MROH2B: variants seen among roughly 807,000 people sequenced by gnomAD.
The protein encoded by MROH2B is maestro heat like repeat family member 2B.
In MROH2B, 177 loss-of-function variants were observed where a neutral mutation model predicts 208.6. The ratio of observed to expected loss-of-function variants is 0.85; its 90% CI spans 0.75 to 0.96. The LOEUF (loss-of-function observed/expected upper bound fraction) is 0.96. Among genes scored for constraint, MROH2B ranks in the 40% least tolerant of loss-of-function variants. The pLI, the probability that MROH2B is intolerant of heterozygous loss-of-function variation, is 0.00. For synonymous variants in MROH2B, 728 were observed against 659.0 expected, an observed-to-expected ratio of 1.10 and a Z score of -1.60; for missense variants, 2,002 against 1,878.7, an observed-to-expected ratio of 1.07 and a Z score of -1.21.
intron 39 of MROH2B, 25 bp from the exon 40 acceptor site, chr5:40,999,804 A>T: frequency 6.2e-7 from 1 of 1,600,778 alleles, no homozygotes; most frequent in Admixed American, 1.7e-5. Context: ...AATTTCAAAG[A>T]GGGCAACTGG....
At position 41,009,938 on chromosome 5, in the gene MROH2B, G is replaced by C; in HGVS notation, c.3277C>G (p.Pro1093Ala). The C allele has an allele frequency of 1.2e-6, 2 of 1,613,594 alleles. No homozygotes were observed. The highest frequency in any genetic ancestry group is 1.7e-6 in the Non-Finnish European group (2 of 1,179,666). Residue 1093 changes from proline to alanine, a missense_variant, in exon 31 of 42, where the codon CCT becomes GCT. Pro to Ala is a conservative substitution (Grantham distance 27). Coordinates refer to ENST00000399564, the MANE Select transcript of MROH2B (RefSeq NM_173489.5). Reference protein sequence around the residue: ...DTVVVNLLQKPLPFDRDTKTL... With the variant: ...DTVVVNLLQKALPFDRDTKTL... ...AGGATCTACCTGTCAAAAGGCAGAGGCTTCTGTAAAAGGTTGACAACAACT... is the reference window on the plus strand; with the variant it reads ...AGGATCTACCTGTCAAAAGGCAGAGCCTTCTGTAAAAGGTTGACAACAACT...
At chr5:41,005,933 A>T (rs1440628493) in intron 34 of MROH2B, among the ~76,000 whole-genome samples, 1 of 151,282 alleles carries the variant, frequency 6.6e-6, no homozygotes, top group Non-Finnish European at 1.5e-5. Flanking sequence ...CAGGAGGCTG[A>T]GGCAGGAGAA....
intron 21 of MROH2B, among the ~76,000 whole-genome samples, chr5:41,034,434 C>G (rs1742685840): frequency 6.6e-6 from 1 of 152,074 alleles, no homozygotes; most frequent in Admixed American, 6.6e-5. Context: ...TAGGAATACT[C>G]AAAGCACGCA....
intron 24 of MROH2B, among the ~76,000 whole-genome samples, chr5:41,027,543 G>A (rs1446976727): frequency 2.6e-5 from 4 of 152,132 alleles, no homozygotes; most frequent in African/African-American, 9.7e-5. Context: ...GAAACAACAG[G>A]TGCTGGAGAG....
At chr5:41,005,492 G>C in intron 35 of MROH2B, 39 bp downstream of exon 35, 1 of 1,365,760 alleles carries the variant, frequency 7.3e-7, no homozygotes, top group South Asian at 1.2e-5. Context: ...TACCCTATGG[G>C]GACCCAGTGA....
At chr5:41,052,685 A>T in intron 11 of MROH2B, 98 bp from the exon 12 acceptor site, 1 of 1,170,640 alleles carries the variant, frequency 8.5e-7, no homozygotes, top group Middle Eastern at 2.4e-4. Flanking sequence ...ATTAAGTGGG[A>T]ACATTTTTGA....
At chr5:41,048,972 T>A (rs1474580673) in intron 15 of MROH2B, 129 bp downstream of exon 15, 4 of 866,238 alleles carry the variant, frequency 4.6e-6, no homozygotes, top group Non-Finnish European at 7.0e-6. Flanking sequence ...TAGCAGAAAA[T>A]TTATTATGCC....
At position 41,005,217 on chromosome 5, in the gene MROH2B, G is replaced by T. The variant is rs115952292; in HGVS notation, c.3865-297C>A. 1.5e-3 allele frequency: 796 copies of T among 527,890 alleles called. 3 individuals are homozygous for T. Among genetic ancestry groups the T allele is most frequent in the African/African-American group, 0.014 (719 of 53,064 alleles). The allele number at this position is 527,890 out of a possible 1,614,324, so 32.7% of individuals were successfully genotyped here. ...CTGATAGTTTTCCTTCTCTGGATTGGCTGGAATAGTCTTCAGGCCGGAATT... is the reference window on the plus strand; with the variant it reads ...CTGATAGTTTTCCTTCTCTGGATTGTCTGGAATAGTCTTCAGGCCGGAATT... On this transcript the variant is annotated intron_variant, in intron 35 of 41. Coordinates refer to ENST00000399564, the MANE Select transcript of MROH2B (RefSeq NM_173489.5).
intron 24 of MROH2B, among the ~76,000 whole-genome samples, chr5:41,020,510 A>G (rs1420290900): frequency 6.6e-6 from 1 of 152,184 alleles, no homozygotes; most frequent in Admixed American, 6.5e-5. Flanking sequence ...AGTAGGCTGA[A>G]ACTCTGTCAG....
chr5:41,036,124 A>T (rs1251364902), intron 21 of MROH2B, among the ~76,000 whole-genome samples: 1 of 122,652 alleles, frequency 8.2e-6, no homozygotes, highest in African/African-American at 3.1e-5. Context: ...TACATATATT[A>T]TATATACACA....
chr5:41,027,884 T>G (rs1373360261), intron 24 of MROH2B, among the ~76,000 whole-genome samples: 1 of 152,152 alleles, frequency 6.6e-6, no homozygotes, highest in African/African-American at 2.4e-5. Context: ...TCATGTCCTT[T>G]GTAGGGACAT....
chr5:41,012,322 C>T (rs1741797469), intron 30 of MROH2B, among the ~76,000 whole-genome samples: 1 of 152,178 alleles, frequency 6.6e-6, no homozygotes, highest in Admixed American at 6.5e-5. Flanking sequence ...ATCCAAATGG[C>T]CTCGGTTCAG....
Position 41,055,450 on chromosome 5 carries a change from T to C in MROH2B, c.1033+292A>G, listed in dbSNP as rs993965324. On this transcript the variant is annotated intron_variant, in intron 10 of 41. Coordinates refer to ENST00000399564, the MANE Select transcript of MROH2B (RefSeq NM_173489.5). ...ACTCCCTCCCACCCACCCCTTGATA[T>C]TGGACCATTTAATCAACCTACAAGA... Among the ~76,000 whole-genome samples, 20 of 131,292 alleles carry C rather than the reference T, an allele frequency of 1.5e-4. 2 individuals carry two copies. The East Asian group carries it at 3.2e-3, about 21-fold the overall frequency. 86.1% of individuals were successfully genotyped at this position (131,292 alleles called of 152,430 possible). A position where few individuals can be genotyped will look rare whatever the true frequency, so the allele number is the denominator to read the frequency against.
intron 30 of MROH2B, among the ~76,000 whole-genome samples, chr5:41,011,999 CT>C (rs1202440781): frequency 6.6e-6 from 1 of 152,272 alleles, no homozygotes; most frequent in African/African-American, 2.4e-5. Context: ...GTTTGAATAA[CT>C]TGTATTCTAT....
Position 41,012,676 on chromosome 5 carries a change from G to A in MROH2B, c.3042C>T (p.Asp1014=), listed in dbSNP as rs565304743. The change falls in exon 30 of 42, where the codon GAC becomes GAT. Residue 1014 remains aspartate, a synonymous_variant. Coordinates refer to ENST00000399564, the MANE Select transcript of MROH2B (RefSeq NM_173489.5). ...EILMFLEEML[D]GLESLNPTCT... The stretch of plus-strand genomic sequence containing the variant: ...AAGTGGGGTTGAGGCTCTCCAGACC[G>A]TCCAGCATTTCCTCTAGGAACATCA... 5.9e-5 allele frequency: 95 copies of A among 1,613,822 alleles called. No homozygotes were observed. Among genetic ancestry groups the A allele is most frequent in the East Asian group, 1.8e-4 (8 of 44,876 alleles).
At chr5:41,041,851 G>T (rs1252277533) in intron 19 of MROH2B, among the ~76,000 whole-genome samples, 1 of 152,144 alleles carries the variant, frequency 6.6e-6, no homozygotes, top group African/African-American at 2.4e-5. Context: ...CCAAGGTCTG[G>T]TTAGGTAAGA....
intron 28 of MROH2B, among the ~76,000 whole-genome samples, chr5:41,016,615 A>G (rs1221495637): frequency 7.2e-6 from 1 of 138,344 alleles, no homozygotes; most frequent in African/African-American, 2.7e-5. Context: ...AGTAGCTGGG[A>G]TTACAGGCAT....
chr5:40,999,873 C>A, intron 39 of MROH2B, 94 bp from the exon 40 acceptor site: 1 of 1,059,444 alleles, frequency 9.4e-7, no homozygotes, highest in Non-Finnish European at 1.4e-6. Context: ...TTTGTAAAGG[C>A]CAGTGAGCAC....
rs759009092 is a variant in MROH2B, at chr5:41,019,031, C to A, written c.2442-13G>T. 1.9e-6 allele frequency: 3 copies of A among 1,613,596 alleles called. No homozygotes were observed. Among genetic ancestry groups the A allele is most frequent in the Non-Finnish European group, 1.7e-6 (2 of 1,179,782 alleles). ...AGGTTTCAGTTTACTGAAATGAGAACCAGGTGGAGGAATGGATATTACAGT... is the reference window on the plus strand; with the variant it reads ...AGGTTTCAGTTTACTGAAATGAGAAACAGGTGGAGGAATGGATATTACAGT... On this transcript the variant is annotated splice_polypyrimidine_tract_variant and intron_variant, in intron 24 of 41. Coordinates refer to ENST00000399564, the MANE Select transcript of MROH2B (RefSeq NM_173489.5).
Sources: allele counts gnomAD v4.1 joint callset (sites outside exome capture counted in the v4.1 genomes callset), GRCh38; gene constraint gnomAD v4.1.1; transcripts MANE v1.5; gene names NCBI Gene and HGNC (gene_info 2026-07-23, HGNC 2026-07-21).